NEK11: variants seen among roughly 807,000 people sequenced by gnomAD.
NEK11 encodes the protein NIMA related kinase 11, also known as serine/threonine-protein kinase Nek11.
NEK11 carries 72 observed loss-of-function variants against 80.7 expected under a neutral mutation model. The observed-to-expected ratio is 0.89, with a 90% confidence interval of 0.74 to 1.08. The LOEUF is 1.08. NEK11 is among the 50% of genes least tolerant of loss of function. The probability of loss-of-function intolerance (pLI) is 0.00; values close to 1 mark genes in which losing one functional copy is unlikely to be tolerated. For synonymous variants in NEK11, 251 were observed against 260.7 expected (o/e 0.96, Z 0.36); for missense variants, 764 against 763.6 (o/e 1.00, Z -0.01).
At chr3:131,172,021 T>G (rs2092724236) in intron 14 of NEK11, among the ~76,000 whole-genome samples, 1 of 152,196 alleles carries the variant, frequency 6.6e-6, no homozygotes, top group Non-Finnish European at 1.5e-5. Flanking sequence ...GACCACTGAT[T>G]AAAGTCTTAT....
In NEK11 at chr3:131,037,441, G is replaced by A. The variant is rs758945706; in HGVS notation, c.170+7563G>A. Among the ~76,000 whole-genome samples, 12 of 151,944 alleles carry A rather than the reference G, an allele frequency of 7.9e-5. 1 individual carries two copies. In the South Asian group the frequency reaches 8.3e-4, roughly 11 times the overall value. ...TGGGATTACAGGCACCCACCACCACGCCCAGCTAATTTTTGTATATTTAGT... is the reference window on the plus strand; with the variant it reads ...TGGGATTACAGGCACCCACCACCACACCCAGCTAATTTTTGTATATTTAGT... On this transcript the variant is annotated intron_variant, in intron 3 of 17. Coordinates refer to ENST00000383366, the MANE Select transcript of NEK11 (RefSeq NM_024800.5).
At chr3:131,304,213 A>G (rs1318789656) in intron 17 of NEK11, among the ~76,000 whole-genome samples, 1 of 152,184 alleles carries the variant, frequency 6.6e-6, no homozygotes, top group Non-Finnish European at 1.5e-5. Flanking sequence ...TACTATTTGC[A>G]ATTGTATTAT....
chr3:131,207,201 C>A (rs1306186368), intron 14 of NEK11, among the ~76,000 whole-genome samples: 1 of 152,206 alleles, frequency 6.6e-6, no homozygotes, highest in African/African-American at 2.4e-5. Flanking sequence ...ATGGCTGGGT[C>A]AAATGGTATT....
At chr3:131,250,775 G>A (rs116295645) in intron 16 of NEK11, among the ~76,000 whole-genome samples, 3,667 of 152,100 alleles carry the variant, frequency 0.024, 131 homozygotes, top group African/African-American at 0.082. Flanking sequence ...AACCCATTTG[G>A]ATTTTATCAT....
At chr3:131,053,283 GA>G (rs1257936542) in intron 3 of NEK11, 5 of 152,162 alleles carry the variant, frequency 3.3e-5, no homozygotes, top group Admixed American at 3.3e-4. Flanking sequence ...ATTCAAGGTC[GA>G]AAATGTCTTA....
intron 5 of NEK11, among the ~76,000 whole-genome samples, chr3:131,116,747 T>A (rs1233035091): frequency 6.6e-6 from 1 of 152,206 alleles, no homozygotes; most frequent in Non-Finnish European, 1.5e-5. Context: ...CATTTTTTCA[T>A]GTGTCTTTTG....
chr3:131,071,279 A>G (rs924670394), intron 3 of NEK11, among the ~76,000 whole-genome samples: 1 of 152,132 alleles, frequency 6.6e-6, no homozygotes, highest in Non-Finnish European at 1.5e-5. Context: ...TCCTATCACT[A>G]GAGAACTATA....
At position 131,078,260 on chromosome 3, in the gene NEK11, A is replaced by G. The variant is rs1222464691; in HGVS notation, c.171-2163A>G. 9.8e-5 allele frequency among the ~76,000 whole-genome samples: 15 copies of G among 152,346 alleles called. 2 individuals are homozygous for G. Among genetic ancestry groups the G allele is most frequent in the Admixed American group, 8.5e-4 (13 of 15,294 alleles). On this transcript the variant is annotated intron_variant, in intron 3 of 17. Coordinates refer to ENST00000383366, the MANE Select transcript of NEK11 (RefSeq NM_024800.5). Reference sequence around the variant, plus strand: ...GGGAAGTGACTTCCCAGTAATGGTCATCTTGGATTAGAAGGTTTTCCTTAT... The same window carrying G: ...GGGAAGTGACTTCCCAGTAATGGTCGTCTTGGATTAGAAGGTTTTCCTTAT...
In NEK11 at chr3:131,029,755, C is replaced by T. The variant is rs770514513; in HGVS notation, c.47C>T (p.Ala16Val). Residue 16 changes from alanine (A) to valine (V), a missense_variant, in exon 3 of 18, where the codon GCC (alanine) becomes GTC (valine). Transcript: ENST00000383366. ...EAAKCVSGST[A>V]ISTYPKTLIA... is the part of the protein sequence containing the mutation. ...GCTAAGTGTGTGAGTGGATCAACAG[C>T]CATTTCCACTTATCCAAAGACCTTG... 5.2e-5 allele frequency: 84 copies of T among 1,613,962 alleles called. No individual in the cohort carries two copies. The Admixed American group carries it at 1.4e-3, about 26-fold the overall frequency.
intron 15 of NEK11, among the ~76,000 whole-genome samples, chr3:131,230,242 C>T (rs2095304750): frequency 6.6e-6 from 1 of 152,142 alleles, no homozygotes; most frequent in African/African-American, 2.4e-5. Flanking sequence ...GCTCCTAGGT[C>T]AGGAAATACA....
At chr3:131,058,321 A>G (rs368523474) in intron 3 of NEK11, among the ~76,000 whole-genome samples, 9 of 152,116 alleles carry the variant, frequency 5.9e-5, no homozygotes, top group Admixed American at 1.3e-4. Context: ...GTCAGGTAGC[A>G]TGATGCCTCC....
chr3:131,249,487 C>A (rs1432615895), intron 16 of NEK11, among the ~76,000 whole-genome samples: 2 of 152,052 alleles, frequency 1.3e-5, no homozygotes, highest in Non-Finnish European at 2.9e-5. Flanking sequence ...ACAGTCAAGA[C>A]AGAAGAAAAC....
chr3:131,270,225 C>A (rs2096153536), intron 16 of NEK11, among the ~76,000 whole-genome samples: 1 of 152,230 alleles, frequency 6.6e-6, no homozygotes, highest in Non-Finnish European at 1.5e-5. Context: ...AACAGCTTTT[C>A]TCTTGTTTCT....
At chr3:131,086,874 A>G (rs1026285683) in intron 4 of NEK11, among the ~76,000 whole-genome samples, 3 of 152,212 alleles carry the variant, frequency 2.0e-5, no homozygotes, top group African/African-American at 7.2e-5. Context: ...ATGGAAGACT[A>G]GATAAGGTTT....
intron 16 of NEK11, among the ~76,000 whole-genome samples, chr3:131,249,336 C>T (rs868229221): frequency 7.2e-5 from 11 of 151,944 alleles, no homozygotes; most frequent in Admixed American, 2.0e-4. Flanking sequence ...CATAAATGCT[C>T]AAGATTTGGA....
intron 3 of NEK11, among the ~76,000 whole-genome samples, chr3:131,073,377 G>T (rs1158853205): frequency 6.6e-6 from 1 of 152,192 alleles, no homozygotes; most frequent in Admixed American, 6.5e-5. Context: ...CTGAGACACT[G>T]CATGAAAGTT....
intron 5 of NEK11, among the ~76,000 whole-genome samples, chr3:131,119,287 A>G (rs1195429787): frequency 6.6e-6 from 1 of 152,158 alleles, no homozygotes; most frequent in East Asian, 1.9e-4. Flanking sequence ...GTTTTGAGTG[A>G]GTTTCTTAAT....
At chr3:131,156,869 A>G (rs148186373) in intron 10 of NEK11, among the ~76,000 whole-genome samples, 1 of 152,322 alleles carries the variant, frequency 6.6e-6, no homozygotes, top group African/African-American at 2.4e-5. Flanking sequence ...AAATATGCTT[A>G]ACATTAATCA....
intron 3 of NEK11, among the ~76,000 whole-genome samples, chr3:131,049,316 T>C (rs1045268221): frequency 3.9e-5 from 6 of 152,144 alleles, no homozygotes; most frequent in African/African-American, 1.4e-4. Flanking sequence ...TTCTGTGCAG[T>C]TTTTGTACCA....
Sources: allele counts gnomAD v4.1 joint callset (sites outside exome capture counted in the v4.1 genomes callset), GRCh38; gene constraint gnomAD v4.1.1; transcripts MANE v1.5; gene names NCBI Gene and HGNC (gene_info 2026-07-23, HGNC 2026-07-21).